The following XRCC5 variants were observed in gnomAD, a reference collection of about 807,000 sequenced individuals.
XRCC5 encodes the protein DNA repair protein Ku80.
In XRCC5, 12 loss-of-function variants were observed where a neutral mutation model predicts 95.7. That is an observed-to-expected ratio of 0.13 (90% CI 0.08 to 0.20). XRCC5 has a LOEUF of 0.20. Ranked by LOEUF, XRCC5 falls within the 10% of genes least tolerant of loss-of-function variation. The pLI is 1.00. For missense variants in XRCC5, 595 were observed against 873.9 expected (o/e 0.68, Z 4.02); for synonymous variants, 281 against 290.3 (o/e 0.97, Z 0.33).
At chr2:216,122,354 C>G in intron 6 of XRCC5, 101 bp downstream of exon 6, 1 of 1,092,080 alleles carries the variant, frequency 9.2e-7, no homozygotes, top group Non-Finnish European at 1.3e-6. Flanking sequence ...GGGCCACTCT[C>G]TAATTAGTCA....
intron 19 of XRCC5, among the ~76,000 whole-genome samples, chr2:216,196,866 G>A (rs2106051411): frequency 6.6e-6 from 1 of 152,248 alleles, no homozygotes; most frequent in East Asian, 1.9e-4. Context: ...CAGCCAAGTT[G>A]ACACATAATA....
chr2:216,193,918 T>G (rs908989966), intron 18 of XRCC5, among the ~76,000 whole-genome samples: 4 of 152,228 alleles, frequency 2.6e-5, no homozygotes, highest in African/African-American at 9.6e-5. Context: ...TTTCTACCCT[T>G]GATTTGCTCT....
At position 216,198,533 on chromosome 2, in the gene XRCC5, T is replaced by TTTTATTTA. The variant is rs3080564; in HGVS notation, c.2109+3580_2109+3587dup. On this transcript the variant is annotated intron_variant, in intron 19 of 20. Coordinates refer to ENST00000392132, the MANE Select transcript of XRCC5 (RefSeq NM_021141.4). Reference sequence around the variant, plus strand: ...ACTTGATCCTTTGTATGAAAAATGCTTTTATTTATTTATTTATTTATTTAT... The same window carrying TTTTATTTA: ...ACTTGATCCTTTGTATGAAAAATGCTTTTATTTATTTATTTATTTATTTATTTATTTAT... 4.5e-3 allele frequency among the ~76,000 whole-genome samples: 670 copies of TTTTATTTA among 147,888 alleles called. 2 individuals are homozygous for TTTTATTTA. The highest frequency in any genetic ancestry group is 5.7e-3 in the East Asian group (28 of 4,946).
intron 16 of XRCC5, among the ~76,000 whole-genome samples, chr2:216,162,994 G>A (rs567335287): frequency 6.6e-6 from 1 of 152,274 alleles, no homozygotes; most frequent in South Asian, 2.1e-4. Flanking sequence ...AATCCTGCAG[G>A]TTTATATATA....
At chr2:216,141,540 C>CTTTTTTTTTTTTTTTTTTTTTTTTTTT (rs71401137) in intron 13 of XRCC5, among the ~76,000 whole-genome samples, 1 of 65,006 alleles carries the variant, frequency 1.5e-5, no homozygotes. Context: ...TCTTTCTTTT[C>CTTTTTTTTTTTTTTTTTTTTTTTTTTT]TTTTTTTTTT....
intron 13 of XRCC5, among the ~76,000 whole-genome samples, chr2:216,145,964 T>G (rs1361226635): frequency 6.6e-6 from 1 of 152,206 alleles, no homozygotes; most frequent in Non-Finnish European, 1.5e-5. Flanking sequence ...GGTATTTTAA[T>G]GAACCAAGGG....
At chr2:216,113,744 T>C (rs758961240) in intron 2 of XRCC5, among the ~76,000 whole-genome samples, 1 of 152,198 alleles carries the variant, frequency 6.6e-6, no homozygotes, top group Non-Finnish European at 1.5e-5. Context: ...GGCTGTGAGC[T>C]CAGTTGGGGC....
intron 2 of XRCC5, among the ~76,000 whole-genome samples, chr2:216,115,474 C>T (rs1696678963): frequency 1.3e-5 from 2 of 152,288 alleles, no homozygotes; most frequent in South Asian, 4.1e-4. Flanking sequence ...AGCCAGTATG[C>T]TACGCATGCT....
At chr2:216,140,038 T>A (rs947779777) in intron 12 of XRCC5, among the ~76,000 whole-genome samples, 21 of 152,202 alleles carry the variant, frequency 1.4e-4, no homozygotes, top group African/African-American at 5.1e-4. Flanking sequence ...CTTGTAGTAG[T>A]AGGTGAAAAT....
chr2:216,150,278 C>T (rs1045471021), intron 14 of XRCC5, among the ~76,000 whole-genome samples: 3 of 152,200 alleles, frequency 2.0e-5, no homozygotes, highest in African/African-American at 7.2e-5. Flanking sequence ...CCAGTTTTTT[C>T]ACTTGATATG....
chr2:216,122,664 TATC>T (rs1259445320), intron 6 of XRCC5, among the ~76,000 whole-genome samples: 2 of 151,970 alleles, frequency 1.3e-5, no homozygotes, highest in Non-Finnish European at 2.9e-5. Context: ...AGTATCTTCT[TATC>T]ATCCTATTAA....
Position 216,167,818 on chromosome 2 carries a change from A to G in XRCC5, c.1834+5770A>G, listed in dbSNP as rs41301742. Among the ~76,000 whole-genome samples the G allele has an allele frequency of 2.3e-3, 347 of 152,320 alleles. 4 individuals are homozygous for G. The East Asian group carries it at 0.043, about 19-fold the overall frequency. Reference sequence around the variant, plus strand: ...AGTCACTAAAATTTTAAACATCTTTAGCCCTATAAAAGTTTTTTTCTTAAA... The same window carrying G: ...AGTCACTAAAATTTTAAACATCTTTGGCCCTATAAAAGTTTTTTTCTTAAA... On this transcript the variant is annotated intron_variant, in intron 16 of 20. Coordinates refer to ENST00000392132, the MANE Select transcript of XRCC5 (RefSeq NM_021141.4).
intron 8 of XRCC5, among the ~76,000 whole-genome samples, chr2:216,129,369 C>T (rs748831779): frequency 2.6e-5 from 4 of 152,128 alleles, no homozygotes; most frequent in African/African-American, 2.4e-5. Flanking sequence ...GACCAGTATA[C>T]ACATGTGGGC....
intron 13 of XRCC5, among the ~76,000 whole-genome samples, chr2:216,143,092 A>C (rs1028905877): frequency 6.6e-6 from 1 of 152,200 alleles, no homozygotes; most frequent in South Asian, 2.1e-4. Flanking sequence ...AATATCATGC[A>C]CTGTAAAGGT....
In XRCC5 at chr2:216,137,112, C is replaced by G. The variant is rs775606982; in HGVS notation, c.1138C>G (p.Leu380Val). The G allele has an allele frequency of 8.1e-6, 13 of 1,613,224 alleles. No homozygotes were observed. The highest frequency in any genetic ancestry group is 1.1e-5 in the Non-Finnish European group (13 of 1,179,626). Residue 380 changes from leucine to valine, a missense_variant, in exon 11 of 21, where the codon CTG (leucine) becomes GTG (valine). Leu to Val is a conservative substitution (Grantham distance 32, BLOSUM62 1). Transcript: ENST00000392132. ...DEAAAVALSS[L>V]IHALDDLDMV... ...GGCAGCTGCAGTTGCACTTTCCTCC[C>G]TGATTCATGCTTTGGATGACTTAGA...
chr2:216,116,508 TG>T (rs1696700356), intron 2 of XRCC5, 150 bp from the exon 3 acceptor site: 1 of 774,250 alleles, frequency 1.3e-6, no homozygotes, highest in African/African-American at 1.7e-5. Context: ...TGTCATTGTC[TG>T]TAAGTCTCAT....
At position 216,148,335 on chromosome 2, in the gene XRCC5, A is replaced by G. The variant is rs12478478; in HGVS notation, c.1670+59A>G. On this transcript the variant is annotated intron_variant, in intron 14 of 20. Transcript: ENST00000392132. ...GGTACATAAGAGTTGTGGTCATTTT[A>G]GAGTGGCTCTGGAAGTGTCACATAG... The G allele has an allele frequency of 2.9e-3, 4,449 of 1,510,712 alleles. 133 individuals are homozygous for G. The African/African-American group carries it at 0.055, about 19-fold the overall frequency. 93.6% of individuals were successfully genotyped at this position (1,510,712 alleles called of 1,614,324 possible).
At chr2:216,204,085 C>T (rs1018037386) in intron 19 of XRCC5, 6 of 516,778 alleles carry the variant, frequency 1.2e-5, no homozygotes, top group South Asian at 1.0e-4. Flanking sequence ...CCTCCCTCTT[C>T]GTGAGCACTT....
intron 16 of XRCC5, among the ~76,000 whole-genome samples, chr2:216,182,130 T>C (rs1689400823): frequency 6.6e-6 from 1 of 152,158 alleles, no homozygotes; most frequent in Non-Finnish European, 1.5e-5. Context: ...TTGTCCACCC[T>C]CCCCAAAAGC....
Sources: gnomAD v4.1 joint callset for allele counts (sites outside exome capture counted in the v4.1 genomes callset) on GRCh38, gnomAD v4.1.1 for gene constraint, MANE v1.5 for transcripts, NCBI Gene and HGNC (gene_info 2026-07-23, HGNC 2026-07-21) for gene names.